The following WTAP variants were observed in gnomAD, a reference collection of about 807,000 sequenced individuals.
The protein encoded by WTAP is WT1 associated protein, also known as pre-mRNA-splicing regulator WTAP.
Under a neutral mutation model 50.0 loss-of-function variants are expected in WTAP, and 8 were observed. That is an observed-to-expected ratio of 0.16 (90% confidence interval 0.09 to 0.29). The LOEUF is 0.29. Ranked by LOEUF, WTAP falls within the 10% of genes least tolerant of loss-of-function variation. The probability of loss-of-function intolerance (pLI) is 1.00; values close to 1 mark genes in which losing one functional copy is unlikely to be tolerated. For missense variants in WTAP, 295 were observed against 470.7 expected, an observed-to-expected ratio of 0.63 and a Z score of 3.45; for synonymous variants, 194 against 169.0, an observed-to-expected ratio of 1.15 and a Z score of -1.15.
rs543323901 is a variant in WTAP, at chr6:159,754,112, C to T, written c.607+498C>T. On this transcript the variant is annotated intron_variant, in intron 7 of 7. Transcript: ENST00000621533. Reference sequence around the variant, plus strand: ...TCCATCCTTTTTAGTGCAAGTGTAGCTGTATCTCTGTTTCTCTTCTTTGTA... The same window carrying T: ...TCCATCCTTTTTAGTGCAAGTGTAGTTGTATCTCTGTTTCTCTTCTTTGTA... 7.2e-5 allele frequency among the ~76,000 whole-genome samples: 11 copies of T among 152,272 alleles called. 1 individual carries two copies. In the South Asian group the frequency reaches 2.3e-3, roughly 32 times the overall value.
rs1779989351 is a variant in WTAP at position 159,755,768 on chromosome 6, T to TG, written c.*157_*158insG. Reference sequence around the variant, plus strand: ...TTCTTTGTTTTTTTTTTCTTTTCTTTTTTTTTTTTTTTTTTTTTTTTTGCT... The same window carrying TG: ...TTCTTTGTTTTTTTTTTCTTTTCTTTGTTTTTTTTTTTTTTTTTTTTTTGCT... On this transcript the variant is annotated 3_prime_UTR_variant, in exon 8 of 8. Coordinates refer to ENST00000621533, the MANE Select transcript of WTAP (RefSeq NM_001270531.2). 1.4e-5 allele frequency: 8 copies of TG among 561,232 alleles called. No individual in the cohort carries two copies. The Admixed American group carries it at 1.8e-4, about 12-fold the overall frequency. The allele number at this position is 561,232 out of a possible 1,614,324, so 34.8% of individuals were successfully genotyped here. A position where few individuals can be genotyped will look rare whatever the true frequency, so the allele number is the denominator to read the frequency against.
At position 159,727,570 on chromosome 6, in the gene WTAP, G is replaced by A; in HGVS notation, c.-142G>A. ...AAAGGGGAGCGCAGGGGTTGCGGCG[G>A]GACTAGGAGCGCGGCGGGGCCGGCG... On this transcript the variant is annotated 5_prime_UTR_variant, in exon 1 of 8. Transcript: ENST00000621533. 1 of 987,502 alleles carries A rather than the reference G, an allele frequency of 1.0e-6. No individual in the cohort carries two copies. The highest frequency in any genetic ancestry group is 1.2e-6 in the Non-Finnish European group (1 of 831,702). 61.2% of individuals were successfully genotyped at this position (987,502 alleles called of 1,614,324 possible).
intron 5 of WTAP, among the ~76,000 whole-genome samples, 178 bp downstream of exon 5, chr6:159,743,970 G>GT (rs896899043): frequency 5.9e-5 from 9 of 152,112 alleles, no homozygotes; most frequent in African/African-American, 2.2e-4. Flanking sequence ...CATTTAGACT[G>GT]TTTTTTGTGG....
chr6:159,727,591 C>G lies in WTAP; in HGVS notation c.-121C>G, dbSNP rs1454823692. ...GGCGGGACTAGGAGCGCGGCGGGGC[C>G]GGCGGCAGAGCTGTCCGGCTGCGCG... is the stretch of plus-strand genomic sequence containing the variant. On this transcript the variant is annotated 5_prime_UTR_variant, in exon 1 of 8. Coordinates refer to ENST00000621533, the MANE Select transcript of WTAP (RefSeq NM_001270531.2). 1 of 986,574 alleles carries G rather than the reference C, an allele frequency of 1.0e-6. No individual in the cohort carries two copies. Among genetic ancestry groups the G allele is most frequent in the South Asian group, 4.6e-5 (1 of 21,952 alleles). 61.1% of individuals were successfully genotyped at this position (986,574 alleles called of 1,614,324 possible). A position where few individuals can be genotyped will look rare whatever the true frequency, so the allele number is the denominator to read the frequency against.
Position 159,755,675 on chromosome 6 carries a change from T to G in WTAP, c.*64T>G. 7.2e-7 allele frequency: 1 copy of G among 1,384,730 alleles called. No homozygotes were observed. The highest frequency in any genetic ancestry group is 9.3e-7 in the Non-Finnish European group (1 of 1,069,940). The allele number at this position is 1,384,730 out of a possible 1,614,324, so 85.8% of individuals were successfully genotyped here. ...TGGGAGAGGATACTGTCCAGAAAAT[T>G]AATGCATACTTTTGTCACAATTTGC... On this transcript the variant is annotated 3_prime_UTR_variant, in exon 8 of 8. Transcript: ENST00000621533.
intron 6 of WTAP, among the ~76,000 whole-genome samples, chr6:159,752,047 G>A (rs1160125526): frequency 1.3e-5 from 2 of 148,972 alleles, no homozygotes; most frequent in Non-Finnish European, 1.5e-5. Flanking sequence ...TGGCAACACA[G>A]TGAGACCCCC....
intron 3 of WTAP, chr6:159,741,495 C>G (rs180684924): frequency 1.6e-4 from 25 of 152,124 alleles, no homozygotes; most frequent in African/African-American, 5.8e-4. Flanking sequence ...CATATGAAAG[C>G]AGCAGTGGGA....
At chr6:159,753,254 G>C in intron 6 of WTAP, 1 of 646,944 alleles carries the variant, frequency 1.5e-6, no homozygotes, top group Non-Finnish European at 2.6e-6. Flanking sequence ...GGCACTTTTT[G>C]TTTAGGGTTT....
intron 6 of WTAP, among the ~76,000 whole-genome samples, chr6:159,753,110 G>T (rs528031767): frequency 4.9e-4 from 75 of 152,324 alleles, no homozygotes; most frequent in South Asian, 1.5e-3. Flanking sequence ...ATTCCTTAGT[G>T]TAATAATACT....
At chr6:159,733,286 G>C (rs549260162) in intron 1 of WTAP, among the ~76,000 whole-genome samples, 26 of 152,304 alleles carry the variant, frequency 1.7e-4, no homozygotes, top group Admixed American at 1.2e-3. Context: ...AACAAATACT[G>C]AGGTTTTTAT....
intron 2 of WTAP, among the ~76,000 whole-genome samples, chr6:159,737,757 G>T (rs1246142381): frequency 6.6e-6 from 1 of 152,144 alleles, no homozygotes; most frequent in Non-Finnish European, 1.5e-5. Context: ...CTCCCAAAGT[G>T]CAGGAGGCAT....
At chr6:159,736,573 A>T (rs761915105) in intron 2 of WTAP, 3 of 294,988 alleles carry the variant, frequency 1.0e-5, no homozygotes, top group Non-Finnish European at 1.9e-5. Context: ...GAATATTTCC[A>T]GGTCTACTCT....
rs1420180948 is a variant in WTAP, at chr6:159,727,716, C to T, written c.-9+13C>T. 4 of 983,566 alleles carry T rather than the reference C, an allele frequency of 4.1e-6. No individual in the cohort carries two copies. Among genetic ancestry groups the T allele is most frequent in the Admixed American group, 6.2e-5 (1 of 16,160 alleles). The allele number at this position is 983,566 out of a possible 1,614,324, so 60.9% of individuals were successfully genotyped here. ...TCTGCCTGGAGAGGTAGGCGCGGGCCGGCTGGCGGGAGCGGACGCGGGGGA... is the reference window on the plus strand; with the variant it reads ...TCTGCCTGGAGAGGTAGGCGCGGGCTGGCTGGCGGGAGCGGACGCGGGGGA... On this transcript the variant is annotated intron_variant, in intron 1 of 7. Coordinates refer to ENST00000621533, the MANE Select transcript of WTAP (RefSeq NM_001270531.2).
chr6:159,733,920 A>G (rs1778747522), intron 1 of WTAP, among the ~76,000 whole-genome samples: 1 of 152,216 alleles, frequency 6.6e-6, no homozygotes, highest in Admixed American at 6.5e-5. Flanking sequence ...CCATCTCCAA[A>G]AAAAAAGATT....
At chr6:159,743,195 G>C (rs1779366472) in intron 4 of WTAP, among the ~76,000 whole-genome samples, 1 of 152,182 alleles carries the variant, frequency 6.6e-6, no homozygotes, top group Non-Finnish European at 1.5e-5. Flanking sequence ...TTACAGACAT[G>C]CATCACCACG....
rs1205418109 is a variant in WTAP, at chr6:159,743,244, ACCGTGTTGGTTAGG to A, written c.146-419_146-406del. On this transcript the variant is annotated intron_variant, in intron 4 of 7. Coordinates refer to ENST00000621533, the MANE Select transcript of WTAP (RefSeq NM_001270531.2). The stretch of plus-strand genomic sequence containing the variant: ...GTATTTTTAGTAGAGACGGTGTTTC[ACCGTGTTGGTTAGG>A]CTGGTCTGAAACTCCTGACCTCAGG... Among the ~76,000 whole-genome samples, 5 of 152,172 alleles carry A rather than the reference ACCGTGTTGGTTAGG, an allele frequency of 3.3e-5. No individual in the cohort carries two copies. In the East Asian group the frequency reaches 9.7e-4, roughly 29 times the overall value.
intron 6 of WTAP, among the ~76,000 whole-genome samples, chr6:159,750,519 T>C (rs1779779396): frequency 6.6e-6 from 1 of 152,264 alleles, no homozygotes; most frequent in African/African-American, 2.4e-5. Context: ...GCTATTACTT[T>C]TTCTTGGGTA....
At chr6:159,737,924 A>G (rs1779020479) in intron 2 of WTAP, among the ~76,000 whole-genome samples, 1 of 152,228 alleles carries the variant, frequency 6.6e-6, no homozygotes, top group African/African-American at 2.4e-5. Flanking sequence ...TGAAATAATT[A>G]TAGATTCATA....
At chr6:159,744,930 T>C (rs936253685) in intron 5 of WTAP, among the ~76,000 whole-genome samples, 1 of 152,194 alleles carries the variant, frequency 6.6e-6, no homozygotes, top group Non-Finnish European at 1.5e-5. Context: ...TCCTTACTCC[T>C]TGGCCTCCCA....
Sources: gnomAD v4.1 joint callset for allele counts (sites outside exome capture counted in the v4.1 genomes callset) on GRCh38, gnomAD v4.1.1 for gene constraint, MANE v1.5 for transcripts, NCBI Gene and HGNC (gene_info 2026-07-23, HGNC 2026-07-21) for gene names.